PARP14: variants seen among roughly 807,000 people sequenced by gnomAD.
PARP14 encodes the protein poly(ADP-ribose) polymerase family member 14, also known as protein mono-ADP-ribosyltransferase PARP14.
PARP14 carries 59 observed loss-of-function variants against 154.2 expected under a neutral mutation model. That is an observed-to-expected ratio of 0.38 (90% CI 0.31 to 0.48). The LOEUF (loss-of-function observed/expected upper bound fraction) is 0.48. Among genes scored for constraint, PARP14 ranks in the 20% least tolerant of loss-of-function variants. PARP14 has a pLI of 0.98. For missense variants in PARP14, 1,734 were observed against 2,131.6 expected (o/e 0.81, Z 3.67); for synonymous variants, 720 against 780.5 (o/e 0.92, Z 1.29).
At chr3:122,723,402 GA>G (rs1429939283) in intron 15 of PARP14, among the ~76,000 whole-genome samples, 1 of 152,116 alleles carries the variant, frequency 6.6e-6, no homozygotes, top group African/African-American at 2.4e-5. Context: ...TTCATGACAT[GA>G]ATTTTTTTAG....
At chr3:122,710,469 A>G (rs907887480) in intron 9 of PARP14, among the ~76,000 whole-genome samples, 2 of 152,156 alleles carry the variant, frequency 1.3e-5, no homozygotes, top group African/African-American at 4.8e-5. Context: ...GCCTTGTAGT[A>G]TAATTTGAAG....
intron 2 of PARP14, among the ~76,000 whole-genome samples, chr3:122,685,990 T>C (rs753236775): frequency 1.8e-4 from 28 of 152,324 alleles, no homozygotes; most frequent in Non-Finnish European, 3.4e-4. Context: ...ATACTACCTG[T>C]ATTAAGTATT....
intron 15 of PARP14, chr3:122,721,142 C>T (rs1355742962): frequency 3.1e-6 from 1 of 323,350 alleles, no homozygotes; most frequent in Non-Finnish European, 6.0e-6. Flanking sequence ...GCCATTTATG[C>T]TTAAACGGTC....
intron 13 of PARP14, 36 bp downstream of exon 13, chr3:122,718,313 A>T (rs1052109219): frequency 1.2e-6 from 2 of 1,612,472 alleles, no homozygotes; most frequent in African/African-American, 2.7e-5. Context: ...CATGTTCATA[A>T]CGTTGATGTC....
At chr3:122,727,406 T>G (rs1338453908) in intron 15 of PARP14, among the ~76,000 whole-genome samples, 3 of 152,200 alleles carry the variant, frequency 2.0e-5, no homozygotes, top group Non-Finnish European at 4.4e-5. Flanking sequence ...TTACTGTTAG[T>G]ACACAACTAG....
intron 12 of PARP14, among the ~76,000 whole-genome samples, chr3:122,716,485 T>G (rs1363870586): frequency 1.2e-4 from 19 of 152,200 alleles, no homozygotes; most frequent in Non-Finnish European, 2.9e-5. Flanking sequence ...CAAGGAGCAC[T>G]GAGCCCAGTG....
intron 6 of PARP14, among the ~76,000 whole-genome samples, chr3:122,703,207 C>T (rs1264941645): frequency 6.6e-6 from 1 of 152,080 alleles, no homozygotes; most frequent in African/African-American, 2.4e-5. Context: ...GATTAATCTG[C>T]TCACATTCAC....
At chr3:122,694,469 T>C (rs1938699872) in intron 4 of PARP14, among the ~76,000 whole-genome samples, 2 of 152,204 alleles carry the variant, frequency 1.3e-5, no homozygotes, top group South Asian at 4.1e-4. Context: ...AGATTTGTTA[T>C]ATTTATTTCT....
rs959664299 is a variant in PARP14 at position 122,703,865 on chromosome 3, G to A, written c.3205G>A (p.Val1069Met). The change falls in exon 7 of 17, where the codon GTG (valine) becomes ATG (methionine). Residue 1069 changes from valine to methionine, a missense_variant. This residue lies in a region of PARP14 where 1,646 missense variants were observed against 1,976.0 expected (regional missense o/e 0.83). Coordinates refer to ENST00000474629, the MANE Select transcript of PARP14 (RefSeq NM_017554.3). ...QEELDTVGQG[V>M]AVSMGTVLKT... ...GGAATTGGACACAGTTGGACAAGGG[G>A]TGGCTGTCAGCATGGGCACAGTGCT... 2 of 1,614,014 alleles carry A rather than the reference G, an allele frequency of 1.2e-6. No individual in the cohort carries two copies. Among genetic ancestry groups the A allele is most frequent in the Non-Finnish European group, 1.7e-6 (2 of 1,179,894 alleles).
rs202159635 is a variant in PARP14 at position 122,699,896 on chromosome 3, C to T, written c.1342C>T (p.Gln448Ter). ...AGAGGATGTCCAAAGCATTGAGGTA[C>T]AAGTCAGGGAGTTAATAGAAAGCAC... ...KSEDVQSIEV[Q>*]VRELIESTTQ... is the part of the protein sequence containing the mutation. The change falls in exon 6 of 17, where the codon CAA becomes TAA. Residue 448 changes from glutamine to a stop codon, truncating the protein, a stop_gained. Transcript: ENST00000474629. LOFTEE classifies it high-confidence loss of function. 1 of 1,613,726 alleles carries T rather than the reference C, an allele frequency of 6.2e-7. No individual in the cohort carries two copies. The highest frequency in any genetic ancestry group is 1.3e-5 in the African/African-American group (1 of 74,882).
In PARP14 at chr3:122,703,806, C is replaced by T. The variant is rs1268004347; in HGVS notation, c.3146C>T (p.Ser1049Phe). Residue 1049 changes from serine (S) to phenylalanine (F), a missense_variant, in exon 7 of 17, where the codon TCC becomes TTC. This residue lies in a region of PARP14 where 1,646 missense variants were observed against 1,976.0 expected (regional missense o/e 0.83). Transcript: ENST00000474629. ...LVLSRGPLSKSLLEKAGPELQ... is the reference protein window; with the variant it reads ...LVLSRGPLSKFLLEKAGPELQ... ...CTTAGTAGAGGGCCTCTTTCTAAGT[C>T]CCTCTTGGAAAAAGCTGGACCAGAG... The T allele has an allele frequency of 6.2e-7, 1 of 1,613,860 alleles. No individual in the cohort carries two copies. Among genetic ancestry groups the T allele is most frequent in the South Asian group, 1.1e-5 (1 of 91,076 alleles).
chr3:122,701,118 G>C lies in PARP14; in HGVS notation c.2564G>C (p.Arg855Thr). Residue 855 changes from arginine to threonine, a missense_variant, in exon 6 of 17, where the codon AGA becomes ACA. Arg to Thr is a moderately conservative substitution (Grantham distance 71, BLOSUM62 -1). Coordinates refer to ENST00000474629, the MANE Select transcript of PARP14 (RefSeq NM_017554.3). The surrounding 1 kb of genome is among the most constrained non-coding windows in gnomAD (Gnocchi z 4.0). ...LQADCDQIVK[R>T]EGRLLPGNAT... ...GCCGACTGTGACCAGATAGTGAAGA[G>C]AGAGGGCAGACTCCTACCGGGCAAT... 1 of 1,614,032 alleles carries C rather than the reference G, an allele frequency of 6.2e-7. No individual in the cohort carries two copies. The highest frequency in any genetic ancestry group is 8.5e-7 in the Non-Finnish European group (1 of 1,179,910).
At chr3:122,699,240 A>G in intron 5 of PARP14, 150 bp from the exon 6 acceptor site, 1 of 527,464 alleles carries the variant, frequency 1.9e-6, no homozygotes, top group African/African-American at 1.9e-5. Flanking sequence ...TTTGCCACAT[A>G]TCATCTTGGT....
chr3:122,720,519 A>T, intron 15 of PARP14, 131 bp downstream of exon 15: 1 of 818,814 alleles, frequency 1.2e-6, no homozygotes, highest in East Asian at 2.7e-5. Context: ...TATGGTAATT[A>T]GTAGTTCTAG....
Position 122,708,269 on chromosome 3 carries a change from G to T in PARP14, c.3619+1G>T. The T allele has an allele frequency of 6.6e-7, 1 of 1,519,176 alleles. No individual in the cohort carries two copies. The allele number at this position is 1,519,176 out of a possible 1,614,324, so 94.1% of individuals were successfully genotyped here. ...ATTCCGAAGGCTAAAGATACACAAGGTTCAGTAAAGCTTCTAAATTGAGAA... is the reference window on the plus strand; with the variant it reads ...ATTCCGAAGGCTAAAGATACACAAGTTTCAGTAAAGCTTCTAAATTGAGAA... On this transcript the variant is annotated splice_donor_variant, in intron 9 of 16. Transcript: ENST00000474629. LOFTEE classifies it high-confidence loss of function.
chr3:122,715,447 A>G (rs952656978), intron 12 of PARP14, among the ~76,000 whole-genome samples: 3 of 152,110 alleles, frequency 2.0e-5, no homozygotes, highest in Admixed American at 2.0e-4. Flanking sequence ...ACCATTTCTT[A>G]TAATGTTCCG....
intron 9 of PARP14, among the ~76,000 whole-genome samples, chr3:122,710,326 A>G (rs1163340565): frequency 3.9e-5 from 6 of 151,934 alleles, no homozygotes. Context: ...CCTTTCCCCA[A>G]TTTATGTTTT....
chr3:122,700,500 G>A lies in PARP14; in HGVS notation c.1946G>A (p.Gly649Asp). 1 of 1,610,038 alleles carries A rather than the reference G, an allele frequency of 6.2e-7. No homozygotes were observed. The highest frequency in any genetic ancestry group is 8.5e-7 in the Non-Finnish European group (1 of 1,177,810). ...SETTAEVIIT[G>D]CVKEVNETYK... ...ACCACAGCTGAAGTCATCATTACAG[G>A]CTGTGTAAAAGAAGTAAATGAAACC... The change falls in exon 6 of 17, where the codon GGC (glycine) becomes GAC (aspartate). Residue 649 changes from glycine to aspartate, a missense_variant. Around this residue, in one of 2 missense-constraint regions of PARP14, gnomAD observed 1,646 missense variants for 1,976.0 expected, o/e 0.83. Coordinates refer to ENST00000474629, the MANE Select transcript of PARP14 (RefSeq NM_017554.3).
In PARP14 at chr3:122,685,286, G is replaced by T. The variant is rs749044110; in HGVS notation, c.289G>T (p.Asp97Tyr). 2.0e-5 allele frequency: 32 copies of T among 1,613,802 alleles called. No homozygotes were observed. In the East Asian group the frequency reaches 6.9e-4, roughly 35 times the overall value. ...GTTACCTGCAACCCCAGATGAAATC[G>T]ATCATGTCTTTGAAGAGGAACTTCT... is the stretch of plus-strand genomic sequence containing the variant. ...VQLPATPDEI[D>Y]HVFEEELLTK... The change falls in exon 2 of 17, where the codon GAT (aspartate) becomes TAT (tyrosine). Residue 97 changes from aspartate (D) to tyrosine (Y), a missense_variant. Physicochemically the swap from Asp to Tyr is radical, Grantham distance 160. Around this residue, in one of 2 missense-constraint regions of PARP14, gnomAD observed 1,646 missense variants for 1,976.0 expected, o/e 0.83. Coordinates refer to ENST00000474629, the MANE Select transcript of PARP14 (RefSeq NM_017554.3).
Sources: allele counts gnomAD v4.1 joint callset (sites outside exome capture counted in the v4.1 genomes callset), GRCh38; gene constraint gnomAD v4.1.1; regional missense constraint gnomAD v4.1.1; non-coding constraint Gnocchi (gnomAD v3.1); transcripts MANE v1.5; gene names NCBI Gene and HGNC (gene_info 2026-07-23, HGNC 2026-07-21).